Variants in GLDC observed in about 807,000 individuals in gnomAD.
GLDC encodes the protein glycine decarboxylase, also known as glycine dehydrogenase (decarboxylating), mitochondrial.
Under a neutral mutation model 121.3 loss-of-function variants are expected in GLDC, and 104 were observed. The ratio of observed to expected loss-of-function variants is 0.86; its 90% confidence interval spans 0.73 to 1.01. The LOEUF (loss-of-function observed/expected upper bound fraction) is 1.01. Among genes scored for constraint, GLDC ranks in the 50% least tolerant of loss-of-function variants. GLDC has a pLI of 0.00. For missense variants in GLDC, 1,429 were observed against 1,306.6 expected, an observed-to-expected ratio of 1.09 and a Z score of -1.44; for synonymous variants, 546 against 480.6, an observed-to-expected ratio of 1.14 and a Z score of -1.78.
intron 15 of GLDC, 158 bp from the exon 16 acceptor site, chr9:6,565,587 A>C: frequency 2.8e-6 from 2 of 712,302 alleles, no homozygotes; most frequent in East Asian, 5.4e-5. Context: ...TGCTGGAGTC[A>C]AAAGGTCTTG....
At chr9:6,535,660 G>T (rs1420588903) in intron 23 of GLDC, among the ~76,000 whole-genome samples, 2 of 151,982 alleles carry the variant, frequency 1.3e-5, no homozygotes, top group African/African-American at 2.4e-5. Context: ...CCCAACATGG[G>T]GCATAAACAT....
chr9:6,608,436 A>G (rs1818781504), intron 4 of GLDC, among the ~76,000 whole-genome samples: 2 of 146,480 alleles, frequency 1.4e-5, no homozygotes, highest in African/African-American at 5.0e-5. Context: ...AAAACAAAAT[A>G]ATTAAAACAA....
Position 6,604,444 on chromosome 9 carries a change from T to A in GLDC, c.1058+144A>T, listed in dbSNP as rs41303229. 169,410 of 799,260 alleles carry A rather than the reference T, an allele frequency of 0.21. 20,953 individuals carry two copies. Among genetic ancestry groups the A allele is most frequent in the Middle Eastern group, 0.26 (705 of 2,710 alleles). The allele number at this position is 799,260 out of a possible 1,614,324, so 49.5% of individuals were successfully genotyped here. On this transcript the variant is annotated intron_variant, in intron 7 of 24. Transcript: ENST00000321612. ...GTACTAGCTCATATCCCAAACAGAATTGTTCTTCTGAATCTATGTTGTACA... is the reference window on the plus strand; with the variant it reads ...GTACTAGCTCATATCCCAAACAGAAATGTTCTTCTGAATCTATGTTGTACA...
chr9:6,620,440 G>A (rs1163105377), intron 2 of GLDC, 121 bp from the exon 3 acceptor site: 3 of 861,188 alleles, frequency 3.5e-6, no homozygotes, highest in Non-Finnish European at 5.8e-6. Flanking sequence ...GAAAATGTAA[G>A]AGTCATCCAT....
At position 6,577,365 on chromosome 9, in the gene GLDC, G is replaced by A. The variant is rs141917883; in HGVS notation, c.1850+9776C>T. 2.1e-3 allele frequency among the ~76,000 whole-genome samples: 313 copies of A among 152,338 alleles called. 2 individuals are homozygous for A. Among genetic ancestry groups the A allele is most frequent in the African/African-American group, 7.3e-3 (302 of 41,588 alleles). ...AGAGGTGCCGCTAGGGCAGATGGAGGTGGTTATGTTTTGCCTCCAGCCCCA... is the reference window on the plus strand; with the variant it reads ...AGAGGTGCCGCTAGGGCAGATGGAGATGGTTATGTTTTGCCTCCAGCCCCA... On this transcript the variant is annotated intron_variant, in intron 15 of 24. Coordinates refer to ENST00000321612, the MANE Select transcript of GLDC (RefSeq NM_000170.3).
chr9:6,581,953 G>A (rs543385647), intron 15 of GLDC, among the ~76,000 whole-genome samples: 3 of 152,228 alleles, frequency 2.0e-5, no homozygotes, highest in South Asian at 2.1e-4. Context: ...TGGTGTTCCC[G>A]CCTGTAACCC....
intron 8 of GLDC, among the ~76,000 whole-genome samples, chr9:6,601,757 TG>T (rs1818615847): frequency 6.6e-6 from 1 of 152,130 alleles, no homozygotes; most frequent in African/African-American, 2.4e-5. Context: ...CCCTAGCACC[TG>T]GGACTACAGG....
chr9:6,639,613 C>G (rs1819584062), intron 2 of GLDC: 1 of 690,074 alleles, frequency 1.4e-6, no homozygotes, highest in South Asian at 1.4e-5. Flanking sequence ...ATCATCTAAA[C>G]TGAGTCCAGC....
At chr9:6,572,044 T>G (rs1480824283) in intron 15 of GLDC, among the ~76,000 whole-genome samples, 1 of 152,088 alleles carries the variant, frequency 6.6e-6, no homozygotes, top group African/African-American at 2.4e-5. Flanking sequence ...CACCTGTAAA[T>G]GGATCATGGA....
intron 15 of GLDC, among the ~76,000 whole-genome samples, chr9:6,574,784 C>G (rs1563843401): frequency 6.6e-6 from 1 of 152,048 alleles, no homozygotes; most frequent in Admixed American, 6.6e-5. Context: ...CCCCAGAGTA[C>G]TCTGTTTCTG....
At chr9:6,563,408 C>G (rs116228264) in intron 16 of GLDC, among the ~76,000 whole-genome samples, 2,570 of 152,312 alleles carry the variant, frequency 0.017, 65 homozygotes, top group African/African-American at 0.058. Context: ...GTGGAGGAGT[C>G]GGGTGGAGAT....
chr9:6,580,508 C>T (rs59060834), intron 15 of GLDC, among the ~76,000 whole-genome samples: 8,470 of 152,150 alleles, frequency 0.056, 524 homozygotes, highest in African/African-American at 0.15. Context: ...CATACCTTAC[C>T]GTAAGCTGTC....
intron 20 of GLDC, 85 bp downstream of exon 20, chr9:6,553,283 A>G: frequency 8.3e-7 from 1 of 1,205,794 alleles, no homozygotes; most frequent in Non-Finnish European, 1.2e-6. Flanking sequence ...TTTGTTTTTA[A>G]GCCAAGAAGT....
intron 3 of GLDC, among the ~76,000 whole-genome samples, chr9:6,615,636 G>A (rs550063435): frequency 2.0e-5 from 3 of 151,422 alleles, no homozygotes; most frequent in Non-Finnish European, 2.9e-5. Context: ...TTATTGAAAC[G>A]GAGTCTAACT....
At chr9:6,594,180 T>C (rs1285771342) in intron 9 of GLDC, among the ~76,000 whole-genome samples, 1 of 152,172 alleles carries the variant, frequency 6.6e-6, no homozygotes, top group African/African-American at 2.4e-5. Context: ...TACTAGTTTA[T>C]TGCTTTATTT....
chr9:6,598,437 T>C (rs1818534669), intron 8 of GLDC, among the ~76,000 whole-genome samples: 1 of 152,006 alleles, frequency 6.6e-6, no homozygotes, highest in Non-Finnish European at 1.5e-5. Flanking sequence ...CTTTCAGAGA[T>C]TAAAAAAGAG....
chr9:6,534,803 C>T lies in GLDC; in HGVS notation c.2839-15G>A, dbSNP rs374118017. ...TGTGGAGACATCTGAGACAGAGACA[C>T]GGACAGAGGAGGGGTCAGAGCAATA... On this transcript the variant is annotated splice_polypyrimidine_tract_variant and intron_variant, in intron 23 of 24. Transcript: ENST00000321612. The T allele has an allele frequency of 9.3e-5, 138 of 1,484,360 alleles. No individual in the cohort carries two copies. Among genetic ancestry groups the T allele is most frequent in the East Asian group, 1.4e-4 (6 of 44,244 alleles). 91.9% of individuals were successfully genotyped at this position (1,484,360 alleles called of 1,614,324 possible). A position where few individuals can be genotyped will look rare whatever the true frequency, so the allele number is the denominator to read the frequency against.
At chr9:6,634,349 C>T (rs980284343) in intron 2 of GLDC, among the ~76,000 whole-genome samples, 4 of 151,960 alleles carry the variant, frequency 2.6e-5, no homozygotes, top group Non-Finnish European at 5.9e-5. Flanking sequence ...GGCAACATGG[C>T]GAAACTCCAT....
Position 6,604,661 on chromosome 9 carries a change from G to T in GLDC, c.985C>A (p.Pro329Thr), listed in dbSNP as rs386833593. Residue 329 changes from proline to threonine, a missense_variant, in exon 7 of 25, where the codon CCC (proline) becomes ACC (threonine). Physicochemically the swap from Pro to Thr is conservative, Grantham distance 38. Transcript: ENST00000321612. ...RFGVPLGYGG[P>T]HAAFFAVRES... ...CGGACAGCAAAAAATGCTGCATGGG[G>T]TCCCCCATAGCCCAGTGGCACTCCA... 2 of 1,614,012 alleles carry T rather than the reference G, an allele frequency of 1.2e-6. No homozygotes were observed. Among genetic ancestry groups the T allele is most frequent in the South Asian group, 2.2e-5 (2 of 91,080 alleles).
Sources: allele counts gnomAD v4.1 joint callset (sites outside exome capture counted in the v4.1 genomes callset), GRCh38; gene constraint gnomAD v4.1.1; transcripts MANE v1.5; gene names NCBI Gene and HGNC (gene_info 2026-07-23, HGNC 2026-07-21).